The following LMO7 variants were observed in gnomAD, a reference collection of about 807,000 sequenced individuals.
The protein encoded by LMO7 is LIM domain only protein 7.
A neutral mutation model predicts 206.5 loss-of-function variants in LMO7; 120 were observed. That is an observed-to-expected ratio of 0.58 (90% CI 0.50 to 0.68). The LOEUF (loss-of-function observed/expected upper bound fraction) is 0.68, where lower values mean the gene tolerates loss of function less well. Ranked by LOEUF, LMO7 falls within the 30% of genes least tolerant of loss-of-function variation. The probability of loss-of-function intolerance (pLI) is 0.00; values close to 1 mark genes in which losing one functional copy is unlikely to be tolerated. For synonymous variants in LMO7, 706 were observed against 681.5 expected, an observed-to-expected ratio of 1.04 and a Z score of -0.56; for missense variants, 1,959 against 1,957.9, an observed-to-expected ratio of 1.00 and a Z score of -0.01.
intron 4 of LMO7, among the ~76,000 whole-genome samples, chr13:75,771,045 C>G (rs976152248): frequency 6.6e-6 from 1 of 152,048 alleles, no homozygotes; most frequent in Non-Finnish European, 1.5e-5. Flanking sequence ...GCTTTTTAAC[C>G]AGGCCAGCTA....
intron 6 of LMO7, among the ~76,000 whole-genome samples, chr13:75,798,034 C>G (rs911817431): frequency 6.6e-6 from 1 of 152,100 alleles, no homozygotes; most frequent in South Asian, 2.1e-4. Context: ...ACAGGGAGAG[C>G]CTTGATTTAC....
At chr13:75,820,873 C>G (rs1052261308) in intron 13 of LMO7, among the ~76,000 whole-genome samples, 1 of 151,834 alleles carries the variant, frequency 6.6e-6, no homozygotes, top group South Asian at 2.1e-4. Flanking sequence ...GGCGCATGCC[C>G]GTAATCCCAG....
chr13:75,685,759 T>C (rs1469605299), intron 1 of LMO7, among the ~76,000 whole-genome samples: 1 of 151,896 alleles, frequency 6.6e-6, no homozygotes, highest in Admixed American at 6.6e-5. Flanking sequence ...ATATGAGATA[T>C]ATCCACGGGC....
intron 1 of LMO7, among the ~76,000 whole-genome samples, chr13:75,673,221 T>TC (rs1434805094): frequency 1.3e-5 from 2 of 152,222 alleles, no homozygotes; most frequent in African/African-American, 2.4e-5. Flanking sequence ...ACCTTTTTTT[T>TC]CATGATCTAC....
intron 4 of LMO7, among the ~76,000 whole-genome samples, chr13:75,783,623 A>G (rs1178822341): frequency 6.6e-6 from 1 of 152,220 alleles, no homozygotes; most frequent in Non-Finnish European, 1.5e-5. Context: ...CTACCGGGCC[A>G]GATACATCAT....
At chr13:75,847,666 G>A (rs2060108513) in intron 26 of LMO7, among the ~76,000 whole-genome samples, 1 of 152,172 alleles carries the variant, frequency 6.6e-6, no homozygotes, top group Admixed American at 6.5e-5. Flanking sequence ...ATTTGAGCAT[G>A]TTCTTGATTG....
intron 1 of LMO7, 115 bp downstream of exon 1, chr13:75,636,841 C>A (rs946782817): frequency 2.0e-6 from 2 of 1,025,116 alleles, no homozygotes; most frequent in East Asian, 2.6e-5. Context: ...GCGACCCAGC[C>A]GACGTGAACA....
intron 1 of LMO7, among the ~76,000 whole-genome samples, chr13:75,710,053 G>T (rs2042964536): frequency 6.6e-6 from 1 of 152,124 alleles, no homozygotes; most frequent in African/African-American, 2.4e-5. Context: ...TATTAAATAG[G>T]GAATCCTTTC....
chr13:75,644,932 A>T (rs536119379), intron 1 of LMO7, among the ~76,000 whole-genome samples: 21 of 152,364 alleles, frequency 1.4e-4, no homozygotes, highest in Non-Finnish European at 2.8e-4. Flanking sequence ...ATGCCCAGCC[A>T]GATGGACACT....
chr13:75,716,321 T>A (rs2043531161), intron 2 of LMO7, among the ~76,000 whole-genome samples: 1 of 152,234 alleles, frequency 6.6e-6, no homozygotes, highest in Non-Finnish European at 1.5e-5. Context: ...CACTGAGGTT[T>A]CAGACAAGAT....
At chr13:75,645,369 A>G (rs1057458803) in intron 1 of LMO7, among the ~76,000 whole-genome samples, 7 of 152,258 alleles carry the variant, frequency 4.6e-5, no homozygotes, top group East Asian at 3.9e-4. Flanking sequence ...TTATACCACC[A>G]TTTCATAACA....
At chr13:75,751,149 CTTTTTTTTTTTTTTT>C (rs57976279) in intron 3 of LMO7, among the ~76,000 whole-genome samples, 1 of 60,390 alleles carries the variant, frequency 1.7e-5, no homozygotes, top group Non-Finnish European at 2.8e-5. Context: ...TTTTTCAGCT[CTTTTTTTTTTTTTTT>C]TTTTTTTTTT....
chr13:75,797,338 G>T (rs899998297), intron 6 of LMO7, among the ~76,000 whole-genome samples: 1 of 152,176 alleles, frequency 6.6e-6, no homozygotes, highest in African/African-American at 2.4e-5. Context: ...TGCAATCAAT[G>T]TGACAGCCTT....
chr13:75,630,014 T>C (rs7981698), intron 2 of LMO7, among the ~76,000 whole-genome samples: 45,712 of 151,986 alleles, frequency 0.3, 8,059 homozygotes, highest in African/African-American at 0.48. Context: ...TACGAAAACC[T>C]ACAGATTCTC....
chr13:75,753,269 A>G (rs1187190822), intron 3 of LMO7, among the ~76,000 whole-genome samples: 1 of 152,088 alleles, frequency 6.6e-6, no homozygotes, highest in East Asian at 1.9e-4. Context: ...TAATGGGTTT[A>G]GTTGGACTTT....
rs773027687 is a variant in LMO7 at position 75,713,225 on chromosome 13, C to T, written c.113C>T (p.Ser38Phe). Residue 38 changes from serine to phenylalanine, a missense_variant, in exon 2 of 31, where the codon TCT becomes TTT. Physicochemically the swap from Ser to Phe is radical, Grantham distance 155 (BLOSUM62 -2). Transcript: ENST00000377534. ...TTTGAAACAAAAGATTTTCGAGCCT[C>T]TCTAGAAAATGGTGTTCTGCTGTGT... ...KNFETKDFRA[S>F]LENGVLLCDL... The T allele has an allele frequency of 6.2e-7, 1 of 1,611,438 alleles. No homozygotes were observed. The highest frequency in any genetic ancestry group is 8.5e-7 in the Non-Finnish European group (1 of 1,178,372).
At chr13:75,662,076 A>G (rs1393781249) in intron 1 of LMO7, among the ~76,000 whole-genome samples, 1 of 152,148 alleles carries the variant, frequency 6.6e-6, no homozygotes, top group Non-Finnish European at 1.5e-5. Flanking sequence ...CTCATGACTC[A>G]CCTTCAGTCA....
At chr13:75,661,160 G>T (rs970147877) in intron 1 of LMO7, among the ~76,000 whole-genome samples, 1 of 152,080 alleles carries the variant, frequency 6.6e-6, no homozygotes, top group Admixed American at 6.6e-5. Flanking sequence ...AGTGATGTTT[G>T]CATAACTTTG....
intron 4 of LMO7, among the ~76,000 whole-genome samples, chr13:75,784,295 G>A (rs1207529156): frequency 1.3e-5 from 2 of 152,158 alleles, no homozygotes; most frequent in African/African-American, 2.4e-5. Context: ...AATTTAGTGT[G>A]TTGTATCTTG....
Sources: allele counts gnomAD v4.1 joint callset (sites outside exome capture counted in the v4.1 genomes callset), GRCh38; gene constraint gnomAD v4.1.1; transcripts MANE v1.5; gene names NCBI Gene and HGNC (gene_info 2026-07-23, HGNC 2026-07-21).